ZNF644: variants seen among roughly 807,000 people sequenced by gnomAD.
ZNF644 encodes the protein zinc finger motif enhancer binding protein 2.
In ZNF644, 20 loss-of-function variants were observed where a neutral mutation model predicts 108.0. The observed-to-expected ratio is 0.19, with a 90% CI of 0.13 to 0.27. The LOEUF (loss-of-function observed/expected upper bound fraction) is 0.27. Ranked by LOEUF, ZNF644 falls within the 10% of genes least tolerant of loss-of-function variation. ZNF644 has a pLI of 1.00. For missense variants in ZNF644, 1,338 were observed against 1,548.9 expected (o/e 0.86, Z 2.29); for synonymous variants, 542 against 539.1 (o/e 1.01, Z -0.08).
At chr1:90,941,770 T>C (rs185351518) in intron 2 of ZNF644, among the ~76,000 whole-genome samples, 1 of 152,162 alleles carries the variant, frequency 6.6e-6, no homozygotes, top group Non-Finnish European at 1.5e-5. Context: ...TTATCAAATA[T>C]TGCAGAGAAG....
chr1:90,994,114 A>C (rs1207704456), intron 1 of ZNF644, among the ~76,000 whole-genome samples: 2 of 152,176 alleles, frequency 1.3e-5, no homozygotes, highest in African/African-American at 4.8e-5. Context: ...ATTTGCAAAA[A>C]CTATTGGGAA....
rs756112361 is a variant in ZNF644 at position 90,940,732 on chromosome 1, C to T, written c.622G>A (p.Val208Ile). The change falls in exon 3 of 6, where the codon GTA (valine) becomes ATA (isoleucine). Residue 208 changes from valine (V) to isoleucine (I), a missense_variant. Physicochemically the swap from Val to Ile is conservative, Grantham distance 29. Around this residue, in one of 6 missense-constraint regions of ZNF644, gnomAD observed 464 missense variants for 457.9 expected, o/e 1.01. Transcript: ENST00000337393. ...CCATCTGACTTTATATTACTCCCTA[C>T]TGAATTCTGAATGTCACAACCAACT... ...ASVGCDIQNS[V>I]GSNIKSDGTL... The T allele has an allele frequency of 1.9e-5, 31 of 1,613,958 alleles. 1 individual carries two copies. The South Asian group carries it at 3.3e-4, about 17-fold the overall frequency.
intron 2 of ZNF644, among the ~76,000 whole-genome samples, chr1:90,973,927 G>T (rs150887944): frequency 0.014 from 2,145 of 152,178 alleles, 21 homozygotes; most frequent in Non-Finnish European, 0.02. Flanking sequence ...AAGCAGGAAG[G>T]TCTCTCTTCT....
At chr1:90,935,176 G>C (rs1243689993) in intron 4 of ZNF644, among the ~76,000 whole-genome samples, 1 of 150,142 alleles carries the variant, frequency 6.7e-6, no homozygotes, top group Non-Finnish European at 1.5e-5. Context: ...CACACCTCTT[G>C]GGTTAATTTT....
chr1:90,955,040 A>G (rs1653608668), intron 2 of ZNF644, among the ~76,000 whole-genome samples: 1 of 152,212 alleles, frequency 6.6e-6, no homozygotes, highest in South Asian at 2.1e-4. Flanking sequence ...TACACAATGG[A>G]TGCTGTGTTG....
intron 1 of ZNF644, among the ~76,000 whole-genome samples, chr1:91,019,141 G>A (rs2100707137): frequency 6.6e-6 from 1 of 152,188 alleles, no homozygotes; most frequent in African/African-American, 2.4e-5. Flanking sequence ...AATCACTATA[G>A]GGTTCCACCA....
At chr1:90,970,962 T>C (rs1655396046) in intron 2 of ZNF644, among the ~76,000 whole-genome samples, 1 of 135,148 alleles carries the variant, frequency 7.4e-6, no homozygotes, top group African/African-American at 2.8e-5. Flanking sequence ...ATCACACCAC[T>C]GCACTCCAGC....
At chr1:90,981,993 G>C (rs1311732561) in intron 2 of ZNF644, among the ~76,000 whole-genome samples, 6 of 152,058 alleles carry the variant, frequency 3.9e-5, no homozygotes, top group South Asian at 4.1e-4. Flanking sequence ...GAAGTGGTCA[G>C]AGTTCAATAA....
At chr1:90,977,152 C>T (rs190213654) in intron 2 of ZNF644, among the ~76,000 whole-genome samples, 1 of 152,080 alleles carries the variant, frequency 6.6e-6, no homozygotes, top group East Asian at 1.9e-4. Flanking sequence ...GCAAAGTATT[C>T]TAATGATTGC....
At position 90,961,358 on chromosome 1, in the gene ZNF644, G is replaced by A. The variant is rs74819574; in HGVS notation, c.45-20049C>T. On this transcript the variant is annotated intron_variant, in intron 2 of 5. Coordinates refer to ENST00000337393, the MANE Select transcript of ZNF644 (RefSeq NM_201269.3). ...AGTTTGATTAAATTAGGTCAAGGGT[G>A]CATGCTGTGATCTCTAGGACATGAG... 2.0e-3 allele frequency among the ~76,000 whole-genome samples: 304 copies of A among 152,276 alleles called. 8 individuals carry two copies. The East Asian group carries it at 0.041, about 20-fold the overall frequency.
chr1:91,013,938 T>A (rs1180355783), intron 1 of ZNF644, among the ~76,000 whole-genome samples: 1 of 152,234 alleles, frequency 6.6e-6, no homozygotes, highest in Non-Finnish European at 1.5e-5. Flanking sequence ...ATTTTATTTT[T>A]TGATGTGGCT....
chr1:90,952,142 T>A (rs192474571), intron 2 of ZNF644, among the ~76,000 whole-genome samples: 1 of 152,344 alleles, frequency 6.6e-6, no homozygotes, highest in East Asian at 1.9e-4. Context: ...AATACATTTA[T>A]TTGAATTTTT....
In ZNF644 at chr1:90,967,812, T is replaced by C. The variant is rs373919818; in HGVS notation, c.44+14498A>G. 2.2e-4 allele frequency among the ~76,000 whole-genome samples: 32 copies of C among 146,566 alleles called. 1 individual carries two copies. Among genetic ancestry groups the C allele is most frequent in the African/African-American group, 7.8e-4 (31 of 39,522 alleles). On this transcript the variant is annotated intron_variant, in intron 2 of 5. Coordinates refer to ENST00000337393, the MANE Select transcript of ZNF644 (RefSeq NM_201269.3). ...CCTGTAATCCCAGCACTTTGGGAGG[T>C]AGAGGTGGGTGGATCACAAGGTCAG...
At chr1:91,019,143 G>T (rs165159) in intron 1 of ZNF644, among the ~76,000 whole-genome samples, 1 of 152,212 alleles carries the variant, frequency 6.6e-6, no homozygotes, top group African/African-American at 2.4e-5. Context: ...TCACTATAGG[G>T]TTCCACCATA....
intron 2 of ZNF644, among the ~76,000 whole-genome samples, chr1:90,947,231 A>G (rs1475664893): frequency 6.6e-6 from 1 of 152,202 alleles, no homozygotes; most frequent in Non-Finnish European, 1.5e-5. Flanking sequence ...GTTAGCACAG[A>G]ATGACTGTTG....
At chr1:90,950,056 T>C (rs1028951705) in intron 2 of ZNF644, among the ~76,000 whole-genome samples, 12 of 151,584 alleles carry the variant, frequency 7.9e-5, no homozygotes, top group East Asian at 2.0e-4. Flanking sequence ...GGTGGGCAGA[T>C]TGCCTGAGCT....
intron 2 of ZNF644, among the ~76,000 whole-genome samples, chr1:90,979,859 A>G (rs1656371467): frequency 6.6e-6 from 1 of 152,214 alleles, no homozygotes; most frequent in East Asian, 1.9e-4. Context: ...AAAATCAACA[A>G]TGACAGTCTT....
At chr1:90,987,238 T>C (rs1166846936) in intron 1 of ZNF644, among the ~76,000 whole-genome samples, 1 of 137,644 alleles carries the variant, frequency 7.3e-6, no homozygotes, top group Non-Finnish European at 1.6e-5. Flanking sequence ...CAATGAAACC[T>C]AGAGTTGGTT....
intron 4 of ZNF644, 113 bp downstream of exon 4, chr1:90,937,372 G>T: frequency 7.2e-7 from 1 of 1,380,360 alleles, no homozygotes; most frequent in Admixed American, 2.0e-5. Flanking sequence ...AAAAAAAAAA[G>T]CAGCTTAAAC....
Sources: allele counts gnomAD v4.1 joint callset (sites outside exome capture counted in the v4.1 genomes callset), GRCh38; gene constraint gnomAD v4.1.1; regional missense constraint gnomAD v4.1.1; transcripts MANE v1.5; gene names NCBI Gene and HGNC (gene_info 2026-07-23, HGNC 2026-07-21).